The following NRG3 variants were observed in gnomAD, a reference collection of about 807,000 sequenced individuals.
NRG3 encodes the protein pro-neuregulin-3, membrane-bound isoform.
In NRG3, 31 loss-of-function variants were observed where a neutral mutation model predicts 66.9. The observed-to-expected ratio is 0.46, with a 90% CI of 0.35 to 0.63. NRG3 has a LOEUF of 0.63. Among genes scored for constraint, NRG3 ranks in the 20% least tolerant of loss-of-function variants. The pLI is 0.00. For synonymous variants in NRG3, 393 were observed against 359.4 expected (o/e 1.09, Z -1.06); for missense variants, 910 against 878.9 (o/e 1.04, Z -0.45).
intron 3 of NRG3, among the ~76,000 whole-genome samples, chr10:82,844,208 G>A (rs879098324): frequency 8.5e-5 from 13 of 152,106 alleles, no homozygotes; most frequent in African/African-American, 1.9e-4. Context: ...TATGGGCCTC[G>A]TTTATTTGTT....
intron 1 of NRG3, among the ~76,000 whole-genome samples, chr10:81,906,575 A>T (rs1844625174): frequency 6.6e-6 from 1 of 152,178 alleles, no homozygotes; most frequent in Admixed American, 6.6e-5. Context: ...ATGGCGTCCA[A>T]TGTGACATAG....
At chr10:82,365,005 T>A (rs2084429547) in intron 2 of NRG3, among the ~76,000 whole-genome samples, 1 of 152,088 alleles carries the variant, frequency 6.6e-6, no homozygotes, top group African/African-American at 2.4e-5. Context: ...TCTGAGTAGG[T>A]TTTGAAATAA....
chr10:82,238,856 C>A (rs959296854), intron 1 of NRG3, among the ~76,000 whole-genome samples: 4 of 132,008 alleles, frequency 3.0e-5, no homozygotes, highest in African/African-American at 1.1e-4. Context: ...ATAAATTACT[C>A]TGCAGCTAAA....
chr10:82,483,296 G>T (rs1342072546), intron 2 of NRG3, among the ~76,000 whole-genome samples: 1 of 152,220 alleles, frequency 6.6e-6, no homozygotes, highest in Non-Finnish European at 1.5e-5. Flanking sequence ...GGTGAGTGCA[G>T]TGGTGACTGG....
intron 2 of NRG3, among the ~76,000 whole-genome samples, chr10:82,682,467 G>A (rs2054180768): frequency 1.3e-5 from 2 of 152,242 alleles, no homozygotes; most frequent in South Asian, 4.1e-4. Flanking sequence ...AAATGTCTTT[G>A]TATTTATCTG....
At chr10:82,533,079 G>T (rs1401465674) in intron 2 of NRG3, among the ~76,000 whole-genome samples, 1 of 150,626 alleles carries the variant, frequency 6.6e-6, no homozygotes, top group Non-Finnish European at 1.5e-5. Context: ...ATACCTGTTG[G>T]CTATTTGTAT....
chr10:82,817,813 AGCTGCTG>A (rs1428350517), intron 3 of NRG3, among the ~76,000 whole-genome samples: 1 of 152,210 alleles, frequency 6.6e-6, no homozygotes, highest in East Asian at 1.9e-4. Context: ...TTTACATGGT[AGCTGCTG>A]AATGCACAGA....
rs762059648 is a variant in NRG3 at position 82,922,302 on chromosome 10, CT to C, written c.1055-29165del. Among the ~76,000 whole-genome samples the C allele has an allele frequency of 1.4e-4, 21 of 152,256 alleles. No individual in the cohort carries two copies. The South Asian group carries it at 1.9e-3, about 14-fold the overall frequency. On this transcript the variant is annotated intron_variant, in intron 4 of 8. Coordinates refer to ENST00000372141, the MANE Select transcript of NRG3 (RefSeq NM_001010848.4). ...TGGAGGTTTTACTGTTTAAGTTTTA[CT>C]TCCTATTTCTCCTGAGAGTATAGAA...
intron 2 of NRG3, among the ~76,000 whole-genome samples, chr10:82,535,402 C>A (rs1847715750): frequency 6.6e-6 from 1 of 151,726 alleles, no homozygotes; most frequent in African/African-American, 2.4e-5. Context: ...GGAGTGCTAC[C>A]AAACACATTT....
chr10:81,971,159 CA>C (rs1348812542), intron 1 of NRG3, among the ~76,000 whole-genome samples: 1 of 152,162 alleles, frequency 6.6e-6, no homozygotes, highest in African/African-American at 2.4e-5. Flanking sequence ...AAAAAGAACA[CA>C]ACATTAAGTA....
intron 2 of NRG3, among the ~76,000 whole-genome samples, chr10:82,384,819 A>C (rs2085872545): frequency 6.6e-6 from 1 of 152,164 alleles, no homozygotes; most frequent in African/African-American, 2.4e-5. Context: ...GGGTTGAATG[A>C]TATTTCTGCC....
intron 2 of NRG3, among the ~76,000 whole-genome samples, chr10:82,720,756 C>T (rs545515076): frequency 1.3e-4 from 19 of 148,280 alleles, no homozygotes; most frequent in African/African-American, 4.1e-4. Context: ...TTTCTGATAG[C>T]ACTCCCTGGT....
intron 1 of NRG3, among the ~76,000 whole-genome samples, chr10:82,019,408 T>G (rs151249370): frequency 0.081 from 12,347 of 152,080 alleles, 1,630 homozygotes; most frequent in African/African-American, 0.28. Context: ...TTTTGTTTGT[T>G]GTGTCTCTGC....
chr10:82,747,389 A>G (rs7069236), intron 3 of NRG3, among the ~76,000 whole-genome samples: 8,300 of 152,086 alleles, frequency 0.055, 686 homozygotes, highest in African/African-American at 0.18. Flanking sequence ...TGATTTCTTG[A>G]GGATAAATTC....
chr10:82,715,742 C>G (rs1435013871), intron 2 of NRG3, among the ~76,000 whole-genome samples: 1 of 152,120 alleles, frequency 6.6e-6, no homozygotes, highest in African/African-American at 2.4e-5. Flanking sequence ...TATGAACATA[C>G]TTTGTTAGTT....
intron 1 of NRG3, among the ~76,000 whole-genome samples, chr10:82,109,048 G>A (rs571046354): frequency 6.6e-6 from 1 of 152,266 alleles, no homozygotes; most frequent in East Asian, 1.9e-4. Flanking sequence ...GGTATACCTA[G>A]GGGACACCCA....
intron 2 of NRG3, among the ~76,000 whole-genome samples, chr10:82,713,918 T>G (rs2056823909): frequency 6.6e-6 from 1 of 152,166 alleles, no homozygotes; most frequent in Non-Finnish European, 1.5e-5. Flanking sequence ...CATCATTTTT[T>G]CCTGAAGATG....
At chr10:81,896,642 G>C (rs775583106) in intron 1 of NRG3, among the ~76,000 whole-genome samples, 1 of 149,108 alleles carries the variant, frequency 6.7e-6, no homozygotes, top group Non-Finnish European at 1.5e-5. Context: ...TTAATCTCCA[G>C]AGGATGAGAA....
chr10:82,455,497 G>T (rs2136641273), intron 2 of NRG3, among the ~76,000 whole-genome samples: 1 of 152,296 alleles, frequency 6.6e-6, no homozygotes, highest in East Asian at 1.9e-4. Context: ...CATAGAGCTT[G>T]AAGGCCTGGA....
Sources: allele counts gnomAD v4.1 joint callset (sites outside exome capture counted in the v4.1 genomes callset), GRCh38; gene constraint gnomAD v4.1.1; transcripts MANE v1.5; gene names NCBI Gene and HGNC (gene_info 2026-07-23, HGNC 2026-07-21).